ANKRD36: variants seen among roughly 807,000 people sequenced by gnomAD.
The protein encoded by ANKRD36 is ankyrin repeat domain-containing protein 36A.
A neutral mutation model predicts 278.1 loss-of-function variants in ANKRD36; 179 were observed. That is an observed-to-expected ratio of 0.64 (90% CI 0.57 to 0.73). The LOEUF is 0.73. ANKRD36 is among the 30% of genes least tolerant of loss of function. The pLI is 0.00. For missense variants in ANKRD36, 1,159 were observed against 1,956.7 expected (o/e 0.59, Z 7.69); for synonymous variants, 320 against 641.1 (o/e 0.50, Z 7.57).
rs58708702 is a variant in ANKRD36 at position 97,223,098 on chromosome 2, C to CTTT, written c.3878-1690_3878-1688dup. ...TTACATATTGAAAGCTTATTATACA[C>CTTT]TTTTTTTTTTTTTTTTTTTTGAGAC... On this transcript the variant is annotated intron_variant, in intron 66 of 75. Transcript: ENST00000420699. Among the ~76,000 whole-genome samples the CTTT allele has an allele frequency of 4.9e-3, 604 of 123,972 alleles. 15 individuals are homozygous for CTTT. Among genetic ancestry groups the CTTT allele is most frequent in the African/African-American group, 0.017 (530 of 30,630 alleles). The allele number at this position is 123,972 out of a possible 152,430, so 81.3% of individuals were successfully genotyped here. A position where few individuals can be genotyped will look rare whatever the true frequency, so the allele number is the denominator to read the frequency against.
intron 42 of ANKRD36, 114 bp downstream of exon 42, chr2:97,196,902 C>T (rs1165900359): frequency 1.9e-4 from 277 of 1,466,510 alleles, no homozygotes; most frequent in East Asian, 4.2e-4. Flanking sequence ...TTCAGCAGGC[C>T]GGAGATTCTT....
At chr2:97,191,266 G>C (rs1311258976) in intron 36 of ANKRD36, 85 bp downstream of exon 36, 3 of 1,368,600 alleles carry the variant, frequency 2.2e-6, no homozygotes, top group Admixed American at 2.6e-5. Context: ...CCTGGGGCTC[G>C]TCGAAGCTGC....
Position 97,118,329 on chromosome 2 carries a change from G to A in ANKRD36, c.313-15G>A, listed in dbSNP as rs1251293577. The A allele has an allele frequency of 2.5e-6, 4 of 1,610,866 alleles. 1 individual carries two copies. In the South Asian group the frequency reaches 4.4e-5, roughly 18 times the overall value. On this transcript the variant is annotated splice_polypyrimidine_tract_variant and intron_variant, in intron 2 of 75. Transcript: ENST00000420699. Reference sequence around the variant, plus strand: ...TTTTTCAGTATTTGCATGTTTCTCGGTCTAATACTGACAGGCTGTACAACT... The same window carrying A: ...TTTTTCAGTATTTGCATGTTTCTCGATCTAATACTGACAGGCTGTACAACT...
intron 36 of ANKRD36, among the ~76,000 whole-genome samples, chr2:97,191,946 C>T (rs2058607376): frequency 6.6e-6 from 1 of 151,604 alleles, no homozygotes; most frequent in African/African-American, 2.4e-5. Context: ...GGAGCTACCT[C>T]TTGGATAAAA....
rs1411099907 is a variant in ANKRD36 at position 97,154,452 on chromosome 2, T to C, written c.1194-223T>C. 1.4e-5 allele frequency among the ~76,000 whole-genome samples: 2 copies of C among 140,382 alleles called. 1 individual carries two copies. The highest frequency in any genetic ancestry group is 3.2e-5 in the Non-Finnish European group (2 of 62,118). The allele number at this position is 140,382 out of a possible 152,430, so 92.1% of individuals were successfully genotyped here. On this transcript the variant is annotated intron_variant, in intron 14 of 75. Transcript: ENST00000420699. ...GAGTCTGCATTGGATATTTCATAGGTTGGGAGAAGTGGCAGCAGAAATAGG... is the reference window on the plus strand; with the variant it reads ...GAGTCTGCATTGGATATTTCATAGGCTGGGAGAAGTGGCAGCAGAAATAGG...
chr2:97,181,871 G>A, intron 26 of ANKRD36, 78 bp downstream of exon 26: 2 of 984,196 alleles, frequency 2.0e-6, no homozygotes, highest in Admixed American at 4.1e-5. Flanking sequence ...AAATCAGCAG[G>A]GGATTCATTG....
At chr2:97,219,422 TAAAG>T (rs2066795266) in intron 66 of ANKRD36, among the ~76,000 whole-genome samples, 176 bp downstream of exon 66, 1 of 152,168 alleles carries the variant, frequency 6.6e-6, no homozygotes, top group South Asian at 2.1e-4. Context: ...TTTACATGCA[TAAAG>T]AAAATATATT....
chr2:97,145,953 C>A lies in ANKRD36; in HGVS notation c.1004-533C>A, dbSNP rs1044107953. 5.3e-5 allele frequency among the ~76,000 whole-genome samples: 8 copies of A among 152,080 alleles called. No individual in the cohort carries two copies. In the East Asian group the frequency reaches 5.8e-4, roughly 11 times the overall value. On this transcript the variant is annotated intron_variant, in intron 10 of 75. Transcript: ENST00000420699. ...GTCATTGTGTACCTGCTGGATTGTC[C>A]GGCAAGTCAAAGAGCATGATGAATA... is the stretch of plus-strand genomic sequence containing the variant.
chr2:97,129,169 C>G (rs1358437494), intron 6 of ANKRD36, among the ~76,000 whole-genome samples: 1 of 152,052 alleles, frequency 6.6e-6, no homozygotes, highest in Non-Finnish European at 1.5e-5. Flanking sequence ...CATTCTAACT[C>G]TGGTGTGAGA....
At chr2:97,193,161 G>A in intron 38 of ANKRD36, 108 bp downstream of exon 38, 13 of 1,116,190 alleles carry the variant, frequency 1.2e-5, no homozygotes, top group Non-Finnish European at 1.6e-5. Context: ...TTCTGATTCA[G>A]CAGTCCTGAG....
intron 56 of ANKRD36, among the ~76,000 whole-genome samples, chr2:97,210,914 A>G (rs376802258): frequency 6.6e-6 from 1 of 151,998 alleles, no homozygotes; most frequent in East Asian, 2.0e-4. Flanking sequence ...AACTTTTGGA[A>G]GTCTAAACTA....
At chr2:97,206,502 C>T (rs989602414) in intron 52 of ANKRD36, among the ~76,000 whole-genome samples, 1 of 151,378 alleles carries the variant, frequency 6.6e-6, no homozygotes, top group Non-Finnish European at 1.5e-5. Flanking sequence ...CTGCTAAAAA[C>T]AGACAGAAAA....
chr2:97,131,281 C>G (rs1192122622), intron 6 of ANKRD36, among the ~76,000 whole-genome samples: 8 of 151,692 alleles, frequency 5.3e-5, no homozygotes, highest in Non-Finnish European at 1.2e-4. Context: ...CCTCAAACTT[C>G]TGGGTTCAGG....
chr2:97,202,063 C>T (rs554189442), intron 46 of ANKRD36, 139 bp from the exon 47 acceptor site: 3 of 1,521,394 alleles, frequency 2.0e-6, no homozygotes, highest in African/African-American at 2.8e-5. Context: ...CGTTCTAGTC[C>T]CCAGACACAA....
rs1324829025 is a variant in ANKRD36, at chr2:97,207,673, C to G, written c.3164-138C>G. 2.1e-5 allele frequency: 29 copies of G among 1,381,030 alleles called. No individual in the cohort carries two copies. The Admixed American group carries it at 4.2e-4, about 20-fold the overall frequency. The allele number at this position is 1,381,030 out of a possible 1,614,324, so 85.5% of individuals were successfully genotyped here. On this transcript the variant is annotated intron_variant, in intron 52 of 75. Transcript: ENST00000420699. ...GCGTATTTCTGTCATGTTCTAGTCC[C>G]CAGACACAAAGTAGAAGCCATCAAA...
intron 48 of ANKRD36, among the ~76,000 whole-genome samples, chr2:97,203,153 C>A (rs1368720278): frequency 9.9e-5 from 15 of 151,868 alleles, no homozygotes; most frequent in East Asian, 3.9e-4. Flanking sequence ...CAAGGAGCTA[C>A]CTCTTGGATA....
chr2:97,136,334 C>T (rs1574747518), intron 6 of ANKRD36, among the ~76,000 whole-genome samples: 1 of 151,278 alleles, frequency 6.6e-6, no homozygotes, highest in Admixed American at 6.6e-5. Flanking sequence ...CCGTATCTTG[C>T]ACTATGCATC....
At position 97,189,212 on chromosome 2, in the gene ANKRD36, A is replaced by G. The variant is rs748076605; in HGVS notation, c.2173-6A>G. On this transcript the variant is annotated splice_polypyrimidine_tract_variant and splice_region_variant and intron_variant, in intron 33 of 75. Transcript: ENST00000420699. ...TATTTATTATTTTCTTTCAAATTCC[A>G]TTAAGGCTACAACTGACGAGGAAGA... 1.2e-5 allele frequency: 9 copies of G among 754,496 alleles called. 2 individuals are homozygous for G. Among genetic ancestry groups the G allele is most frequent in the African/African-American group, 7.1e-5 (5 of 70,120 alleles). 46.7% of individuals were successfully genotyped at this position (754,496 alleles called of 1,614,324 possible). A position where few individuals can be genotyped will look rare whatever the true frequency, so the allele number is the denominator to read the frequency against.
intron 48 of ANKRD36, among the ~76,000 whole-genome samples, chr2:97,203,435 G>A (rs891042638): frequency 6.6e-6 from 1 of 151,822 alleles, no homozygotes; most frequent in Non-Finnish European, 1.5e-5. Flanking sequence ...GAAACTTTTG[G>A]AAGGCTAAAC....
Sources: allele counts gnomAD v4.1 joint callset (sites outside exome capture counted in the v4.1 genomes callset), GRCh38; gene constraint gnomAD v4.1.1; transcripts MANE v1.5; gene names NCBI Gene and HGNC (gene_info 2026-07-23, HGNC 2026-07-21).